Variants in UVRAG observed in about 807,000 individuals in gnomAD.
UVRAG encodes the protein UV radiation resistance associated.
UVRAG carries 19 observed loss-of-function variants against 78.0 expected under a neutral mutation model. The observed-to-expected ratio is 0.24, with a 90% CI of 0.17 to 0.36. The LOEUF (loss-of-function observed/expected upper bound fraction) is 0.36, where lower values mean the gene tolerates loss of function less well. Among genes scored for constraint, UVRAG ranks in the 10% least tolerant of loss-of-function variants. The pLI, the probability that UVRAG is intolerant of heterozygous loss-of-function variation, is 1.00. For synonymous variants in UVRAG, 323 were observed against 324.6 expected (o/e 1.00, Z 0.05); for missense variants, 740 against 853.8 (o/e 0.87, Z 1.66).
intron 13 of UVRAG, among the ~76,000 whole-genome samples, chr11:76,112,848 T>A (rs1952102806): frequency 6.6e-6 from 1 of 151,792 alleles, no homozygotes; most frequent in Non-Finnish European, 1.5e-5. Context: ...CACCTCAGCC[T>A]CCTGAGTAGC....
chr11:75,851,917 G>A lies in UVRAG; in HGVS notation c.152G>A (p.Arg51Gln). Residue 51 changes from arginine to glutamine, a missense_variant, in exon 2 of 15, where the codon CGG becomes CAG. Arg to Gln is a conservative substitution (Grantham distance 43). Coordinates refer to ENST00000356136, the MANE Select transcript of UVRAG (RefSeq NM_003369.4). ...CGACATCTTCGGAACATTGCTGCCC[G>A]GAACATTGTTAATAGAAATGGCCAT... ...RLRHLRNIAARNIVNRNGHQL... is the reference protein window; with the variant it reads ...RLRHLRNIAAQNIVNRNGHQL... The A allele has an allele frequency of 1.2e-6, 2 of 1,613,824 alleles. No individual in the cohort carries two copies. The highest frequency in any genetic ancestry group is 1.1e-5 in the South Asian group (1 of 91,008).
intron 13 of UVRAG, among the ~76,000 whole-genome samples, chr11:76,087,832 CT>C (rs2134421647): frequency 6.6e-6 from 1 of 152,264 alleles, no homozygotes; most frequent in Admixed American, 6.5e-5. Flanking sequence ...AACCCTGATA[CT>C]ACTTGGCATT....
At chr11:75,884,710 G>A (rs921111288) in intron 4 of UVRAG, among the ~76,000 whole-genome samples, 7 of 152,050 alleles carry the variant, frequency 4.6e-5, no homozygotes, top group African/African-American at 1.7e-4. Flanking sequence ...AAAATCAGTA[G>A]TTGAGAATCA....
intron 3 of UVRAG, among the ~76,000 whole-genome samples, chr11:75,877,739 A>C (rs1590964247): frequency 8.6e-6 from 1 of 116,158 alleles, no homozygotes; most frequent in Non-Finnish European, 1.8e-5. Context: ...CGGGGGGCTG[A>C]CCCCCCCACT....
At chr11:75,854,763 A>T (rs2371372) in intron 2 of UVRAG, among the ~76,000 whole-genome samples, 1 of 152,122 alleles carries the variant, frequency 6.6e-6, no homozygotes, top group African/African-American at 2.4e-5. Flanking sequence ...ATGCAGTCTT[A>T]CTATGTGTCC....
At chr11:75,925,774 G>A (rs1398744954) in intron 6 of UVRAG, among the ~76,000 whole-genome samples, 1 of 152,118 alleles carries the variant, frequency 6.6e-6, no homozygotes, top group Non-Finnish European at 1.5e-5. Context: ...TCAGTTAAAT[G>A]CTAAAAGTTA....
Position 75,970,177 on chromosome 11 carries a change from CAG to C in UVRAG, c.699+8630_699+8631del, listed in dbSNP as rs1244105703. Among the ~76,000 whole-genome samples, 4 of 152,094 alleles carry C rather than the reference CAG, an allele frequency of 2.6e-5. No individual in the cohort carries two copies. The South Asian group carries it at 8.3e-4, about 32-fold the overall frequency. Reference sequence around the variant, plus strand: ...GGCACAGACATATTCATTTTGGGGACAGAATTTCAGATTTGTATCTGGAGGTA... The same window carrying C: ...GGCACAGACATATTCATTTTGGGGACAATTTCAGATTTGTATCTGGAGGTA... On this transcript the variant is annotated intron_variant, in intron 7 of 14. Transcript: ENST00000356136.
intron 5 of UVRAG, among the ~76,000 whole-genome samples, chr11:75,890,233 T>C (rs899604735): frequency 2.0e-5 from 3 of 152,220 alleles, no homozygotes; most frequent in African/African-American, 7.2e-5. Context: ...GATTTGCGTT[T>C]CAGTAATTTC....
intron 3 of UVRAG, among the ~76,000 whole-genome samples, chr11:75,870,916 C>CTGGA (rs1235757247): frequency 6.6e-6 from 1 of 151,916 alleles, no homozygotes; most frequent in African/African-American, 2.4e-5. Context: ...GTTGCCCAGG[C>CTGGA]TGGAGTGCAA....
At chr11:75,948,259 A>G (rs1375436927) in intron 6 of UVRAG, among the ~76,000 whole-genome samples, 1 of 152,158 alleles carries the variant, frequency 6.6e-6, no homozygotes, top group Non-Finnish European at 1.5e-5. Context: ...GATTTTTTGA[A>G]GGACGCTATT....
At chr11:75,908,924 C>T (rs1379407286) in intron 5 of UVRAG, among the ~76,000 whole-genome samples, 1 of 151,986 alleles carries the variant, frequency 6.6e-6, no homozygotes, top group Non-Finnish European at 1.5e-5. Flanking sequence ...TGCTGGAATA[C>T]AATTAATTGT....
Position 75,996,850 on chromosome 11 carries a change from A to G in UVRAG, c.827-7155A>G, listed in dbSNP as rs146354607. ...AAATACAGTTCACTGCCTTCCATAG[A>G]ATCTGCTTATTGTTCTTAAGAACTA... On this transcript the variant is annotated intron_variant, in intron 8 of 14. Transcript: ENST00000356136. Among the ~76,000 whole-genome samples the G allele has an allele frequency of 7.3e-3, 1,112 of 152,238 alleles. 18 individuals carry two copies. The highest frequency in any genetic ancestry group is 0.026 in the African/African-American group (1,060 of 41,554).
intron 1 of UVRAG, among the ~76,000 whole-genome samples, chr11:75,833,322 A>G (rs1259348538): frequency 1.3e-5 from 2 of 152,154 alleles, no homozygotes; most frequent in African/African-American, 4.8e-5. Flanking sequence ...CTCAGGTAAA[A>G]TGGGCATAAT....
chr11:76,107,796 T>C (rs1163732622), intron 13 of UVRAG, among the ~76,000 whole-genome samples: 1 of 152,050 alleles, frequency 6.6e-6, no homozygotes, highest in Non-Finnish European at 1.5e-5. Flanking sequence ...GGTGGTACTC[T>C]TTTTTTTCAA....
intron 5 of UVRAG, among the ~76,000 whole-genome samples, chr11:75,889,196 A>G (rs950880971): frequency 5.3e-5 from 8 of 152,198 alleles, no homozygotes; most frequent in African/African-American, 1.9e-4. Flanking sequence ...AAGGATGGTG[A>G]ATTTTGATTA....
At position 76,061,529 on chromosome 11, in the gene UVRAG, G is replaced by A. The variant is rs139559850; in HGVS notation, c.1227-4181G>A. ...GTTTATGAGCTGTAACACTCACCGC[G>A]AAGGTCTGCAGCTTCACTCCTGAAG... On this transcript the variant is annotated intron_variant, in intron 12 of 14. Transcript: ENST00000356136. Among the ~76,000 whole-genome samples, 400 of 152,158 alleles carry A rather than the reference G, an allele frequency of 2.6e-3. 1 individual carries two copies. Among genetic ancestry groups the A allele is most frequent in the Admixed American group, 4.5e-3 (69 of 15,272 alleles).
chr11:75,848,717 A>G (rs925065113), intron 1 of UVRAG, among the ~76,000 whole-genome samples: 4 of 152,246 alleles, frequency 2.6e-5, no homozygotes, highest in Non-Finnish European at 4.4e-5. Context: ...GTAGTAATAA[A>G]GGAGTATGAA....
intron 12 of UVRAG, among the ~76,000 whole-genome samples, chr11:76,027,204 T>C (rs1565126110): frequency 1.3e-5 from 2 of 152,208 alleles, no homozygotes; most frequent in East Asian, 1.9e-4. Context: ...AGCAAACATA[T>C]AGGAGATGGA....
At chr11:75,987,867 A>G (rs1250323289) in intron 8 of UVRAG, among the ~76,000 whole-genome samples, 1 of 151,858 alleles carries the variant, frequency 6.6e-6, no homozygotes, top group Admixed American at 6.6e-5. Flanking sequence ...CCTCCCAAGT[A>G]GCTGGGATTA....
Sources: gnomAD v4.1 joint callset for allele counts (sites outside exome capture counted in the v4.1 genomes callset) on GRCh38, gnomAD v4.1.1 for gene constraint, MANE v1.5 for transcripts, NCBI Gene and HGNC (gene_info 2026-07-23, HGNC 2026-07-21) for gene names.